The following PAPPA variants were observed in gnomAD, a reference collection of about 807,000 sequenced individuals.
PAPPA encodes the protein pappalysin 1, also known as pappalysin-1.
In PAPPA, 60 loss-of-function variants were observed where a neutral mutation model predicts 164.0. The ratio of observed to expected loss-of-function variants is 0.37; its 90% CI spans 0.30 to 0.45. The LOEUF is 0.45. Ranked by LOEUF, PAPPA falls within the 20% of genes least tolerant of loss-of-function variation. PAPPA has a pLI of 1.00. For synonymous variants in PAPPA, 875 were observed against 814.1 expected, an observed-to-expected ratio of 1.07 and a Z score of -1.27; for missense variants, 1,782 against 2,087.3, an observed-to-expected ratio of 0.85 and a Z score of 2.85.
At chr9:116,167,389 A>G (rs1258913898) in intron 1 of PAPPA, among the ~76,000 whole-genome samples, 2 of 152,332 alleles carry the variant, frequency 1.3e-5, no homozygotes, top group Non-Finnish European at 2.9e-5. Context: ...TAAGTATTAT[A>G]TTTTAATTTA....
chr9:116,228,153 C>G (rs1259257290), intron 6 of PAPPA, among the ~76,000 whole-genome samples: 2 of 152,208 alleles, frequency 1.3e-5, no homozygotes, highest in Non-Finnish European at 2.9e-5. Flanking sequence ...TACCAAGGAA[C>G]CAATGATCTC....
At chr9:116,336,037 T>G (rs933433851) in intron 13 of PAPPA, among the ~76,000 whole-genome samples, 4 of 152,206 alleles carry the variant, frequency 2.6e-5, no homozygotes, top group Admixed American at 6.5e-5. Context: ...GATTATCTCA[T>G]GCATCTGACA....
At chr9:116,259,688 C>T (rs1160754680) in intron 7 of PAPPA, among the ~76,000 whole-genome samples, 1 of 152,110 alleles carries the variant, frequency 6.6e-6, no homozygotes, top group Non-Finnish European at 1.5e-5. Context: ...AATGGGAAGC[C>T]TTTGTGCAGA....
At chr9:116,270,545 G>GT (rs888116870) in intron 8 of PAPPA, among the ~76,000 whole-genome samples, 20 of 152,274 alleles carry the variant, frequency 1.3e-4, no homozygotes, top group Admixed American at 1.1e-3. Context: ...CAAGTGTTTT[G>GT]TTTTTTAAAG....
chr9:116,239,757 C>T (rs1844714365), intron 7 of PAPPA, among the ~76,000 whole-genome samples: 1 of 152,126 alleles, frequency 6.6e-6, no homozygotes, highest in Non-Finnish European at 1.5e-5. Context: ...TAACCACTAC[C>T]CATACTACTT....
chr9:116,377,723 T>C, intron 20 of PAPPA, 76 bp downstream of exon 20: 1 of 1,135,522 alleles, frequency 8.8e-7, no homozygotes, highest in Non-Finnish European at 1.3e-6. Context: ...TATATTAATG[T>C]TGGCTATCCT....
At chr9:116,268,495 T>C (rs1283601250) in intron 8 of PAPPA, among the ~76,000 whole-genome samples, 5 of 152,290 alleles carry the variant, frequency 3.3e-5, no homozygotes, top group African/African-American at 1.2e-4. Flanking sequence ...TCACTGGTGA[T>C]AACTCATAAT....
Position 116,220,023 on chromosome 9 carries a change from T to A in PAPPA, c.2005T>A (p.Ser669Thr). The change falls in exon 5 of 22, where the codon TCC becomes ACC. Residue 669 changes from serine to threonine, a missense_variant. Ser to Thr is a moderately conservative substitution (Grantham distance 58). Transcript: ENST00000328252. ...CCTGGTCTACCAGGGCTGGCAGCCC[T>A]CCAGGAAACCAGCGCCTGTTGCCCT... ...LDLVYQGWQPSRKPAPVALAP... is the reference protein window; with the variant it reads ...LDLVYQGWQPTRKPAPVALAP... 1 of 1,614,112 alleles carries A rather than the reference T, an allele frequency of 6.2e-7. No homozygotes were observed. The highest frequency in any genetic ancestry group is 8.5e-7 in the Non-Finnish European group (1 of 1,179,998).
rs533199888 is a variant in PAPPA, at chr9:116,342,545, C to T, written c.3612-1998C>T. Among the ~76,000 whole-genome samples, 8 of 152,184 alleles carry T rather than the reference C, an allele frequency of 5.3e-5. No homozygotes were observed. In the South Asian group the frequency reaches 6.2e-4, roughly 12 times the overall value. ...TGCTTTGGAAGCTTTTAGCTCCCCCCGCCTCCAGACTTTATTTCTCACTAT... is the reference window on the plus strand; with the variant it reads ...TGCTTTGGAAGCTTTTAGCTCCCCCTGCCTCCAGACTTTATTTCTCACTAT... On this transcript the variant is annotated intron_variant, in intron 13 of 21. Coordinates refer to ENST00000328252, the MANE Select transcript of PAPPA (RefSeq NM_002581.5).
chr9:116,383,664 A>G (rs1482861028), intron 21 of PAPPA, among the ~76,000 whole-genome samples: 1 of 152,234 alleles, frequency 6.6e-6, no homozygotes, highest in African/African-American at 2.4e-5. Context: ...CCCAAGGAAC[A>G]CATTCTAATC....
chr9:116,215,439 C>A (rs1587955886), intron 4 of PAPPA, among the ~76,000 whole-genome samples: 1 of 152,154 alleles, frequency 6.6e-6, no homozygotes, highest in East Asian at 1.9e-4. Context: ...ATGTCTTTTT[C>A]AGGGACATGG....
intron 1 of PAPPA, among the ~76,000 whole-genome samples, chr9:116,180,615 C>A (rs541243389): frequency 1.2e-4 from 18 of 152,100 alleles, no homozygotes; most frequent in East Asian, 1.9e-4. Flanking sequence ...TCTACTCTCC[C>A]AATGAGAGAA....
At chr9:116,319,753 G>A (rs184378566) in intron 10 of PAPPA, among the ~76,000 whole-genome samples, 1 of 152,310 alleles carries the variant, frequency 6.6e-6, no homozygotes, top group Admixed American at 6.5e-5. Flanking sequence ...CTCCGAACAG[G>A]TGTGGCCTTG....
rs76478911 is a variant in PAPPA, at chr9:116,223,274, G to A, written c.2111+3145G>A. On this transcript the variant is annotated intron_variant, in intron 5 of 21. Transcript: ENST00000328252. ...TTTACTTTTTCTGTGGTGATGAGAA[G>A]TATCAGACTTTTGGTCAAGCCTTGG... 7.2e-3 allele frequency among the ~76,000 whole-genome samples: 1,091 copies of A among 152,248 alleles called. 14 individuals are homozygous for A. The highest frequency in any genetic ancestry group is 0.025 in the African/African-American group (1,048 of 41,554).
At chr9:116,369,205 C>G (rs1846540585) in intron 19 of PAPPA, among the ~76,000 whole-genome samples, 2 of 152,074 alleles carry the variant, frequency 1.3e-5, no homozygotes, top group East Asian at 3.9e-4. Flanking sequence ...GCCCTATTTC[C>G]CAAACCTCAA....
chr9:116,239,806 G>T (rs559316362), intron 7 of PAPPA, among the ~76,000 whole-genome samples: 4 of 152,180 alleles, frequency 2.6e-5, no homozygotes, highest in African/African-American at 9.6e-5. Flanking sequence ...TTAGAGCTGA[G>T]AAATGCATCC....
At chr9:116,334,431 G>A (rs1471471999) in intron 12 of PAPPA, among the ~76,000 whole-genome samples, 1 of 152,104 alleles carries the variant, frequency 6.6e-6, no homozygotes, top group Non-Finnish European at 1.5e-5. Flanking sequence ...ACTTATGAGA[G>A]TGGGCTTTTT....
At chr9:116,238,113 A>G (rs1001968260) in intron 7 of PAPPA, among the ~76,000 whole-genome samples, 2 of 152,220 alleles carry the variant, frequency 1.3e-5, no homozygotes, top group Non-Finnish European at 2.9e-5. Context: ...CCCCCGAGAT[A>G]TTTATTTAAT....
At chr9:116,178,602 CAG>C (rs1175374307) in intron 1 of PAPPA, among the ~76,000 whole-genome samples, 2 of 152,210 alleles carry the variant, frequency 1.3e-5, no homozygotes, top group East Asian at 3.8e-4. Flanking sequence ...ACACAGCTAA[CAG>C]GGAGCAGAGC....
Sources: gnomAD v4.1 joint callset for allele counts (sites outside exome capture counted in the v4.1 genomes callset) on GRCh38, gnomAD v4.1.1 for gene constraint, MANE v1.5 for transcripts, NCBI Gene and HGNC (gene_info 2026-07-23, HGNC 2026-07-21) for gene names.